TEKT1: variants seen among roughly 807,000 people sequenced by gnomAD.
The protein encoded by TEKT1 is tektin 1.
Under a neutral mutation model 34.8 loss-of-function variants are expected in TEKT1, and 32 were observed. That is an observed-to-expected ratio of 0.92 (90% CI 0.69 to 1.23). TEKT1 has a LOEUF of 1.23. Ranked by LOEUF, TEKT1 falls within the 50% of genes most tolerant of loss-of-function variation. The probability of loss-of-function intolerance (pLI) is 0.00; values close to 1 mark genes in which losing one functional copy is unlikely to be tolerated. For synonymous variants in TEKT1, 207 were observed against 199.8 expected, an observed-to-expected ratio of 1.04 and a Z score of -0.30; for missense variants, 492 against 518.5, an observed-to-expected ratio of 0.95 and a Z score of 0.50.
At chr17:6,817,857 T>C (rs1355742109) in intron 3 of TEKT1, among the ~76,000 whole-genome samples, 1 of 152,226 alleles carries the variant, frequency 6.6e-6, no homozygotes, top group Non-Finnish European at 1.5e-5. Flanking sequence ...ACATAGTACA[T>C]GCTCAGTAAA....
At chr17:6,802,736 G>C (rs1976793042) in intron 6 of TEKT1, among the ~76,000 whole-genome samples, 1 of 150,832 alleles carries the variant, frequency 6.6e-6, no homozygotes, top group Admixed American at 6.7e-5. Context: ...TGCGGTGTTT[G>C]GTTTTTTGTC....
At chr17:6,827,814 G>T (rs1182695175) in intron 2 of TEKT1, among the ~76,000 whole-genome samples, 1 of 152,056 alleles carries the variant, frequency 6.6e-6, no homozygotes, top group Admixed American at 6.6e-5. Context: ...TCTTTTGCTA[G>T]ATTTATTCCT....
At chr17:6,829,066 G>A (rs1004229869) in intron 2 of TEKT1, among the ~76,000 whole-genome samples, 5 of 152,242 alleles carry the variant, frequency 3.3e-5, no homozygotes, top group Non-Finnish European at 5.9e-5. Flanking sequence ...CAGGAGAAGC[G>A]CTCGAACCTG....
chr17:6,815,295 G>A lies in TEKT1; in HGVS notation c.497C>T (p.Ser166Phe), dbSNP rs1313685977. Residue 166 changes from serine (S) to phenylalanine (F), a missense_variant, in exon 5 of 8, where the codon TCT (serine) becomes TTT (phenylalanine). By Grantham distance (155) the Ser-to-Phe change is radical. Transcript: ENST00000338694. ...ATCCTTCTCAAGATTGTACTTGGCAGAGCGGTTCATCCTGAAGGGAGAAAG... is the reference window on the plus strand; with the variant it reads ...ATCCTTCTCAAGATTGTACTTGGCAAAGCGGTTCATCCTGAAGGGAGAAAG... ...EASEQIRMNRSAKYNLEKDLK... is the reference protein window; with the variant it reads ...EASEQIRMNRFAKYNLEKDLK... 9 of 1,614,102 alleles carry A rather than the reference G, an allele frequency of 5.6e-6. No individual in the cohort carries two copies. The highest frequency in any genetic ancestry group is 3.3e-5 in the Admixed American group (2 of 60,010).
chr17:6,827,257 A>ATTT (rs34162124), intron 2 of TEKT1, among the ~76,000 whole-genome samples: 6 of 124,256 alleles, frequency 4.8e-5, no homozygotes, highest in East Asian at 2.3e-4. Flanking sequence ...AGTTGTGCCA[A>ATTT]TTTTTTTTTT....
intron 3 of TEKT1, among the ~76,000 whole-genome samples, chr17:6,816,237 T>A (rs1308536308): frequency 6.6e-6 from 1 of 152,218 alleles, no homozygotes; most frequent in East Asian, 1.9e-4. Context: ...TCTTTGTATT[T>A]TTTTTAAATT....
intron 3 of TEKT1, among the ~76,000 whole-genome samples, chr17:6,818,749 C>G (rs1977043430): frequency 1.3e-5 from 2 of 152,112 alleles, no homozygotes; most frequent in East Asian, 3.9e-4. Flanking sequence ...GGCTGGAGCT[C>G]CAGCTGCCAA....
At chr17:6,809,158 T>C (rs1236190916) in intron 6 of TEKT1, among the ~76,000 whole-genome samples, 4 of 152,208 alleles carry the variant, frequency 2.6e-5, no homozygotes, top group Non-Finnish European at 4.4e-5. Context: ...AATATTGATA[T>C]ATTATTATTA....
In TEKT1 at chr17:6,814,604, C is replaced by T. The variant is rs577805713; in HGVS notation, c.629+559G>A. Among the ~76,000 whole-genome samples the T allele has an allele frequency of 9.5e-4, 145 of 152,112 alleles. 1 individual carries two copies. Among genetic ancestry groups the T allele is most frequent in the Non-Finnish European group, 1.9e-3 (127 of 67,998 alleles). ...CTGTAATCCCAGCACTTTGGGAGGC[C>T]GAGGCGGGCAGATCACGAGGTCAGG... On this transcript the variant is annotated intron_variant, in intron 5 of 7. Coordinates refer to ENST00000338694, the MANE Select transcript of TEKT1 (RefSeq NM_053285.2).
chr17:6,813,887 A>G (rs1175802293), intron 5 of TEKT1, among the ~76,000 whole-genome samples: 1 of 152,064 alleles, frequency 6.6e-6, no homozygotes, highest in Non-Finnish European at 1.5e-5. Context: ...CTTCTCACAA[A>G]TAGAAGGATG....
chr17:6,800,852 G>A lies in TEKT1; in HGVS notation c.944C>T (p.Thr315Met), dbSNP rs139532367. 7.2e-5 allele frequency: 117 copies of A among 1,614,124 alleles called. No individual in the cohort carries two copies. Among genetic ancestry groups the A allele is most frequent in the African/African-American group, 2.4e-4 (18 of 75,020 alleles). ...DQEGPAKVAH[T>M]RLETRTHRPN... ...CCGGTGTGTCCTGGTCTCCAAGCGC[G>A]TATGAGCCACCTTGGCTGGCCCTTC... Residue 315 changes from threonine to methionine, a missense_variant, in exon 7 of 8, where the codon ACG becomes ATG. By Grantham distance (81) the Thr-to-Met change is moderately conservative. Coordinates refer to ENST00000338694, the MANE Select transcript of TEKT1 (RefSeq NM_053285.2).
At position 6,811,581 on chromosome 17, in the gene TEKT1, T is replaced by G. The variant is rs1164817504; in HGVS notation, c.852+1250A>C. Among the ~76,000 whole-genome samples, 1 of 152,092 alleles carries G rather than the reference T, an allele frequency of 6.6e-6. No homozygotes were observed. The highest frequency in any genetic ancestry group is 1.5e-5 in the Non-Finnish European group (1 of 68,014). On this transcript the variant is annotated intron_variant, in intron 6 of 7. Coordinates refer to ENST00000338694, the MANE Select transcript of TEKT1 (RefSeq NM_053285.2). This position sits in a 1 kb window ranked among gnomAD's most constrained non-coding sequence, Gnocchi z 4.4. ...CTCTCGGTTTGCTGAATATTGCAGT[T>G]TCACCCTCGATGATACTCTGGTTTC...
rs1420519692 is a variant in TEKT1 at position 6,815,321 on chromosome 17, TA to T, written c.486-16del. 1 of 1,614,076 alleles carries T rather than the reference TA, an allele frequency of 6.2e-7. No homozygotes were observed. Among genetic ancestry groups the T allele is most frequent in the African/African-American group, 1.3e-5 (1 of 74,940 alleles). ...AGCGGTTCATCCTGAAGGGAGAAAG[TA>T]AACTGGGTTTCTGCCTCTGGAGTGC... On this transcript the variant is annotated splice_polypyrimidine_tract_variant and intron_variant, in intron 4 of 7. Transcript: ENST00000338694.
intron 6 of TEKT1, among the ~76,000 whole-genome samples, chr17:6,804,498 T>C (rs1446172201): frequency 6.6e-6 from 1 of 152,186 alleles, no homozygotes; most frequent in Non-Finnish European, 1.5e-5. Context: ...CAACATTATG[T>C]TGAATAGGAG....
chr17:6,800,354 T>A, intron 7 of TEKT1, 120 bp from the exon 8 acceptor site: 1 of 751,458 alleles, frequency 1.3e-6, no homozygotes. Context: ...TTCCCCTTCC[T>A]CTCTCCTCAT....
intron 6 of TEKT1, among the ~76,000 whole-genome samples, chr17:6,808,968 C>T (rs550910976): frequency 4.9e-4 from 74 of 152,198 alleles, no homozygotes; most frequent in Admixed American, 1.8e-3. Flanking sequence ...TTTGTACAGA[C>T]TGTGAAATAA....
intron 6 of TEKT1, among the ~76,000 whole-genome samples, 184 bp from the exon 7 acceptor site, chr17:6,801,127 G>A (rs1976765908): frequency 6.6e-6 from 1 of 152,160 alleles, no homozygotes; most frequent in Non-Finnish European, 1.5e-5. Flanking sequence ...GGTCACATAA[G>A]ACTTAAAACC....
intron 7 of TEKT1, 111 bp downstream of exon 7, chr17:6,800,636 T>C (rs1976756832): frequency 7.5e-7 from 1 of 1,338,646 alleles, no homozygotes; most frequent in East Asian, 2.4e-5. Context: ...TCCTCAAGCA[T>C]TCCAGAGCAG....
chr17:6,830,254 G>A lies in TEKT1; in HGVS notation c.123C>T (p.Ser41=). The change falls in exon 2 of 8, where the codon AGC becomes AGT. Residue 41 remains serine (S), a synonymous_variant. Coordinates refer to ENST00000338694, the MANE Select transcript of TEKT1 (RefSeq NM_053285.2). ...RSRSERLVAE[S]QRLVDEIEKT... is the part of the protein sequence containing the mutation. Reference sequence around the variant, plus strand: ...TTTCAATTTCATCCACAAGCCTCTGGCTTTCTGCGACCAGGCGTTCTGATC... The same window carrying A: ...TTTCAATTTCATCCACAAGCCTCTGACTTTCTGCGACCAGGCGTTCTGATC... 6.2e-7 allele frequency: 1 copy of A among 1,613,048 alleles called. No homozygotes were observed. Among genetic ancestry groups the A allele is most frequent in the South Asian group, 1.1e-5 (1 of 90,792 alleles).
Sources: allele counts gnomAD v4.1 joint callset (sites outside exome capture counted in the v4.1 genomes callset), GRCh38; gene constraint gnomAD v4.1.1; non-coding constraint Gnocchi (gnomAD v3.1); transcripts MANE v1.5; gene names NCBI Gene and HGNC (gene_info 2026-07-23, HGNC 2026-07-21).